LRP4: variants seen among roughly 807,000 people sequenced by gnomAD.
The protein encoded by LRP4 is low-density lipoprotein receptor-related protein 4.
LRP4 carries 95 observed loss-of-function variants against 220.3 expected under a neutral mutation model. The ratio of observed to expected loss-of-function variants is 0.43; its 90% CI spans 0.37 to 0.51. The LOEUF (loss-of-function observed/expected upper bound fraction) is 0.51, where lower values mean the gene tolerates loss of function less well. Ranked by LOEUF, LRP4 falls within the 20% of genes least tolerant of loss-of-function variation. The probability of loss-of-function intolerance (pLI) is 0.00; values close to 1 mark genes in which losing one functional copy is unlikely to be tolerated. For missense variants in LRP4, 1,925 were observed against 2,567.0 expected (o/e 0.75, Z 5.40); for synonymous variants, 903 against 954.6 (o/e 0.95, Z 1.00).
chr11:46,910,174 C>T (rs1941835740), intron 1 of LRP4, among the ~76,000 whole-genome samples: 1 of 152,058 alleles, frequency 6.6e-6, no homozygotes, highest in African/African-American at 2.4e-5. Flanking sequence ...AAAAGAAGTC[C>T]TTAATGGTTA....
Position 46,858,462 on chromosome 11 carries a change from T to A in LRP4, c.*521A>T, listed in dbSNP as rs1940437021. ...ACTAACACACTTGAGGCTGGAGGTT[T>A]CCCAGATGCCCATACCTGCTGGGCT... is the stretch of plus-strand genomic sequence containing the variant. On this transcript the variant is annotated 3_prime_UTR_variant, in exon 38 of 38. Transcript: ENST00000378623. The A allele has an allele frequency of 1.6e-5, 3 of 190,868 alleles. No homozygotes were observed. Among genetic ancestry groups the A allele is most frequent in the East Asian group, 1.2e-4 (1 of 8,436 alleles). 11.8% of individuals were successfully genotyped at this position (190,868 alleles called of 1,614,324 possible).
chr11:46,913,926 A>C (rs1196862442), intron 1 of LRP4, among the ~76,000 whole-genome samples: 1 of 152,142 alleles, frequency 6.6e-6, no homozygotes, highest in Non-Finnish European at 1.5e-5. Flanking sequence ...CAGATCTTTA[A>C]AAGAGACAAG....
At chr11:46,903,607 T>C (rs1941709398) in intron 1 of LRP4, among the ~76,000 whole-genome samples, 1 of 152,214 alleles carries the variant, frequency 6.6e-6, no homozygotes, top group Non-Finnish European at 1.5e-5. Flanking sequence ...GAGGCCTCCA[T>C]AGCCTTCTCA....
Position 46,899,720 on chromosome 11 carries a change from T to G in LRP4, c.430+143A>C. On this transcript the variant is annotated intron_variant, in intron 4 of 37. Coordinates refer to ENST00000378623, the MANE Select transcript of LRP4 (RefSeq NM_002334.4). The surrounding 1 kb of genome is among the most constrained non-coding windows in gnomAD (Gnocchi z 5.9). ...AGTTTCTGGGGGGTCTGAGCGGCTC[T>G]GCCCCCTCTGCGTTCCTCTAGCTGC... The G allele has an allele frequency of 1.2e-6, 1 of 825,256 alleles. No homozygotes were observed. Among genetic ancestry groups the G allele is most frequent in the Non-Finnish European group, 2.1e-6 (1 of 481,394 alleles). The allele number at this position is 825,256 out of a possible 1,614,324, so 51.1% of individuals were successfully genotyped here.
intron 9 of LRP4, 31 bp downstream of exon 9, chr11:46,896,179 T>C (rs368750847): frequency 1.2e-6 from 2 of 1,612,696 alleles, no homozygotes; most frequent in Non-Finnish European, 1.7e-6. Flanking sequence ...CCACAAACCA[T>C]GGGCCAGGTC....
At chr11:46,872,470 G>A (rs186621555) in intron 30 of LRP4, among the ~76,000 whole-genome samples, 9 of 151,952 alleles carry the variant, frequency 5.9e-5, no homozygotes, top group South Asian at 2.1e-4. Context: ...TGGGTCGGGC[G>A]TGGTGGCTCA....
intron 20 of LRP4, 126 bp from the exon 21 acceptor site, chr11:46,879,441 A>G: frequency 1.2e-6 from 1 of 862,940 alleles, no homozygotes; most frequent in Non-Finnish European, 1.9e-6. Flanking sequence ...CTCCAGTAAG[A>G]GCTACTTATA....
chr11:46,889,684 G>A, intron 15 of LRP4, 151 bp from the exon 16 acceptor site: 2 of 1,050,524 alleles, frequency 1.9e-6, no homozygotes, highest in Middle Eastern at 2.2e-4. Flanking sequence ...CTAGCACAGT[G>A]AGTACCCGGC....
Position 46,873,432 on chromosome 11 carries a change from A to G in LRP4, c.4391T>C (p.Val1464Ala), listed in dbSNP as rs1253293777. ...CTCATCCAGGCTATTGTTGATCAGT[A>G]CTTTGCGGCAGGAACCATCCAGCCT... is the stretch of plus-strand genomic sequence containing the variant. ...ASRLDGSCRK[V>A]LINNSLDEPR... The change falls in exon 29 of 38, where the codon GTA becomes GCA. Residue 1464 changes from valine to alanine, a missense_variant. Physicochemically the swap from Val to Ala is moderately conservative, Grantham distance 64. Transcript: ENST00000378623. The surrounding 1 kb of genome is among the most constrained non-coding windows in gnomAD (Gnocchi z 4.2). The G allele has an allele frequency of 2.5e-6, 4 of 1,614,132 alleles. No homozygotes were observed. The highest frequency in any genetic ancestry group is 2.5e-6 in the Non-Finnish European group (3 of 1,180,040).
chr11:46,899,636 C>A lies in LRP4; in HGVS notation c.431-133G>T. The A allele has an allele frequency of 2.6e-6, 2 of 773,960 alleles. No individual in the cohort carries two copies. The highest frequency in any genetic ancestry group is 4.6e-6 in the Non-Finnish European group (2 of 439,096). 47.9% of individuals were successfully genotyped at this position (773,960 alleles called of 1,614,324 possible). ...CCCGAAAGGCACCCCAGAGTCAGTGCAGACTCTCCAGGGAGAACGGAGGCC... is the reference window on the plus strand; with the variant it reads ...CCCGAAAGGCACCCCAGAGTCAGTGAAGACTCTCCAGGGAGAACGGAGGCC... On this transcript the variant is annotated intron_variant, in intron 4 of 37. Coordinates refer to ENST00000378623, the MANE Select transcript of LRP4 (RefSeq NM_002334.4). This position sits in a 1 kb window ranked among gnomAD's most constrained non-coding sequence, Gnocchi z 5.9.
At chr11:46,896,590 C>A (rs1317212877) in intron 8 of LRP4, among the ~76,000 whole-genome samples, 1 of 152,188 alleles carries the variant, frequency 6.6e-6, no homozygotes, top group Non-Finnish European at 1.5e-5. Context: ...CTGGGTGTGG[C>A]CAGGGGAGCA....
At chr11:46,915,348 AAC>A (rs1475747945) in intron 1 of LRP4, among the ~76,000 whole-genome samples, 1 of 152,182 alleles carries the variant, frequency 6.6e-6, no homozygotes, top group Non-Finnish European at 1.5e-5. Flanking sequence ...CTCTAGAACA[AAC>A]ACACTTTCCA....
In LRP4 at chr11:46,894,716, A is replaced by C. The variant is rs1941488724; in HGVS notation, c.1413T>G (p.Ile471Met). 1 of 1,614,262 alleles carries C rather than the reference A, an allele frequency of 6.2e-7. No homozygotes were observed. The highest frequency in any genetic ancestry group is 1.7e-5 in the Admixed American group (1 of 60,036). Residue 471 changes from isoleucine (I) to methionine (M), a missense_variant, in exon 12 of 38, where the codon ATT (isoleucine) becomes ATG (methionine). By Grantham distance (10) the Ile-to-Met change is conservative. Coordinates refer to ENST00000378623, the MANE Select transcript of LRP4 (RefSeq NM_002334.4). ...TLLLNNLENA[I>M]ALDFHHRREL... is the part of the protein sequence containing the mutation. ...CGCGGCGGTGGTGGAAATCAAGGGC[A>C]ATGGCATTCTCCAGGTTGTTAAGCA... is the stretch of plus-strand genomic sequence containing the variant.
chr11:46,876,020 A>C, intron 25 of LRP4, 54 bp from the exon 26 acceptor site: 1 of 1,553,196 alleles, frequency 6.4e-7, no homozygotes, highest in Non-Finnish European at 8.9e-7. Context: ...CAGCTACCAC[A>C]TACCATGAAT....
intron 31 of LRP4, among the ~76,000 whole-genome samples, chr11:46,870,132 G>A (rs905010551): frequency 1.3e-5 from 2 of 151,572 alleles, no homozygotes; most frequent in African/African-American, 4.9e-5. Flanking sequence ...CACCAGGTGT[G>A]GTGGCACATG....
intron 34 of LRP4, 59 bp downstream of exon 34, chr11:46,867,920 T>G (rs1940746241): frequency 1.2e-6 from 2 of 1,609,594 alleles, no homozygotes; most frequent in Non-Finnish European, 1.7e-6. Context: ...GACTATGAGT[T>G]GGTCATGGGA....
At chr11:46,886,604 A>G in intron 16 of LRP4, 71 bp from the exon 17 acceptor site, 1 of 1,279,808 alleles carries the variant, frequency 7.8e-7, no homozygotes, top group Non-Finnish European at 1.1e-6. Flanking sequence ...ACAGACGCTC[A>G]CCTGCGTGAC....
At position 46,873,548 on chromosome 11, in the gene LRP4, T is replaced by A; in HGVS notation, c.4275A>T (p.Arg1425=). 6.2e-7 allele frequency: 1 copy of A among 1,614,040 alleles called. No individual in the cohort carries two copies. Among genetic ancestry groups the A allele is most frequent in the Non-Finnish European group, 8.5e-7 (1 of 1,179,940 alleles). Residue 1425 remains arginine, a synonymous_variant, in exon 29 of 38, where the codon CGA becomes CGT. Coordinates refer to ENST00000378623, the MANE Select transcript of LRP4 (RefSeq NM_002334.4). This position sits in a 1 kb window ranked among gnomAD's most constrained non-coding sequence, Gnocchi z 4.2. ...CCAGCCCGTCAGTGGTCTTCAGCCCTCGCCCGATCACTGTCTCCATGTTGC... is the reference window on the plus strand; with the variant it reads ...CCAGCCCGTCAGTGGTCTTCAGCCCACGCCCGATCACTGTCTCCATGTTGC... ...NGSNMETVIG[R]GLKTTDGLAV...
At chr11:46,886,664 C>A (rs1046250120) in intron 16 of LRP4, 131 bp from the exon 17 acceptor site, 4 of 757,738 alleles carry the variant, frequency 5.3e-6, no homozygotes, top group Non-Finnish European at 9.1e-6. Context: ...GCCCCCTATA[C>A]TTTATACCTC....
Sources: allele counts gnomAD v4.1 joint callset (sites outside exome capture counted in the v4.1 genomes callset), GRCh38; gene constraint gnomAD v4.1.1; non-coding constraint Gnocchi (gnomAD v3.1); transcripts MANE v1.5; gene names NCBI Gene and HGNC (gene_info 2026-07-23, HGNC 2026-07-21).